WWP2: variants seen among roughly 807,000 people sequenced by gnomAD.
The protein encoded by WWP2 is WW domain containing E3 ubiquitin protein ligase 2.
In WWP2, 57 loss-of-function variants were observed where a neutral mutation model predicts 121.0. The ratio of observed to expected loss-of-function variants is 0.47; its 90% CI spans 0.38 to 0.59. WWP2 has a LOEUF of 0.59. Among genes scored for constraint, WWP2 ranks in the 20% least tolerant of loss-of-function variants. The pLI is 0.00. For synonymous variants in WWP2, 449 were observed against 441.3 expected (o/e 1.02, Z -0.22); for missense variants, 962 against 1,158.9 (o/e 0.83, Z 2.47).
In WWP2 at chr16:69,931,886, G is replaced by T. The variant is rs202095634; in HGVS notation, c.1678G>T (p.Ala560Ser). The T allele has an allele frequency of 1.9e-5, 31 of 1,612,316 alleles. 1 individual carries two copies. In the South Asian group the frequency reaches 3.2e-4, roughly 17 times the overall value. The change falls in exon 16 of 24, where the codon GCC becomes TCC. Residue 560 changes from alanine (A) to serine (S), a missense_variant. By Grantham distance (99) the Ala-to-Ser change is moderately conservative. This residue lies in a region of WWP2 where 606 missense variants were observed against 772.6 expected (regional missense o/e 0.78). Coordinates refer to ENST00000359154, the MANE Select transcript of WWP2 (RefSeq NM_001270454.2). ...GEEGLDYGGI[A>S]REWFFLLSHE... The stretch of plus-strand genomic sequence containing the variant: ...GGAGGGCCTGGACTATGGGGGCATC[G>T]CCAGGTGAGCTTGAGTGCCCCGGAA...
chr16:69,785,198 A>G (rs1265194098), intron 1 of WWP2, among the ~76,000 whole-genome samples: 1 of 145,464 alleles, frequency 6.9e-6, no homozygotes, highest in Non-Finnish European at 1.5e-5. Flanking sequence ...GTGCTACTGT[A>G]CCACTCCAGC....
intron 2 of WWP2, among the ~76,000 whole-genome samples, chr16:69,798,247 T>C (rs1368974783): frequency 6.6e-6 from 1 of 152,244 alleles, no homozygotes; most frequent in African/African-American, 2.4e-5. Context: ...GATGTATATG[T>C]TCACGGTAAT....
intron 9 of WWP2, among the ~76,000 whole-genome samples, chr16:69,917,284 T>C (rs1025792832): frequency 2.0e-5 from 3 of 152,264 alleles, no homozygotes; most frequent in African/African-American, 7.2e-5. Flanking sequence ...AACTTCCTAT[T>C]GTCTTCGGGT....
chr16:69,889,129 T>C (rs1471088054), intron 8 of WWP2, among the ~76,000 whole-genome samples: 1 of 151,416 alleles, frequency 6.6e-6, no homozygotes, highest in Non-Finnish European at 1.5e-5. Context: ...GCCTGGGCAA[T>C]ATAGTGATAT....
intron 6 of WWP2, among the ~76,000 whole-genome samples, chr16:69,850,445 T>C (rs1398052485): frequency 6.6e-6 from 1 of 150,486 alleles, no homozygotes; most frequent in Admixed American, 6.6e-5. Context: ...GTGTCTCTAG[T>C]AGGAGACAGA....
At chr16:69,859,607 G>T (rs1045782519) in intron 6 of WWP2, among the ~76,000 whole-genome samples, 5 of 152,106 alleles carry the variant, frequency 3.3e-5, no homozygotes, top group Admixed American at 2.0e-4. Flanking sequence ...GCTGAATTTA[G>T]TTATTTGCAG....
In WWP2 at chr16:69,803,376, C is replaced by A. The variant is rs192748818; in HGVS notation, c.340+4081C>A. On this transcript the variant is annotated intron_variant, in intron 4 of 23. Transcript: ENST00000359154. Reference sequence around the variant, plus strand: ...CTTTGGAACATTTACATAAAAAAAACATTATCTTACACAATTACTGTATCG... The same window carrying A: ...CTTTGGAACATTTACATAAAAAAAAAATTATCTTACACAATTACTGTATCG... Among the ~76,000 whole-genome samples, 4 of 135,398 alleles carry A rather than the reference C, an allele frequency of 3.0e-5. No individual in the cohort carries two copies. The East Asian group carries it at 7.8e-4, about 26-fold the overall frequency. 88.8% of individuals were successfully genotyped at this position (135,398 alleles called of 152,430 possible).
intron 4 of WWP2, among the ~76,000 whole-genome samples, chr16:69,829,749 TCCACTTCTC>T (rs1178118066): frequency 6.6e-6 from 1 of 152,198 alleles, no homozygotes; most frequent in Non-Finnish European, 1.5e-5. Context: ...CCTTGTTACT[TCCACTTCTC>T]CCACTGAATT....
At chr16:69,788,752 A>G (rs1304753030) in intron 2 of WWP2, among the ~76,000 whole-genome samples, 1 of 152,132 alleles carries the variant, frequency 6.6e-6, no homozygotes, top group African/African-American at 2.4e-5. Flanking sequence ...ATAGAGTGTA[A>G]GATCCACAGT....
intron 8 of WWP2, among the ~76,000 whole-genome samples, chr16:69,890,141 T>G (rs76713905): frequency 0.099 from 14,384 of 145,058 alleles, 980 homozygotes; most frequent in East Asian, 0.35. Context: ...TTTTTTTTTG[T>G]AGAGACAGGG....
intron 1 of WWP2, among the ~76,000 whole-genome samples, chr16:69,777,126 T>C (rs1054050546): frequency 1.3e-5 from 2 of 150,876 alleles, no homozygotes; most frequent in African/African-American, 4.9e-5. Context: ...ACAATACACA[T>C]ATGGATATAT....
rs546462948 is a variant in WWP2 at position 69,927,229 on chromosome 16, C to G, written c.1234+1745C>G. On this transcript the variant is annotated intron_variant, in intron 11 of 23. Transcript: ENST00000359154. The stretch of plus-strand genomic sequence containing the variant: ...TGTGTTGGCTGCCCCAGGGCTGTGG[C>G]TGGGGCCGGCTCCCCAGGGCTCACC... Among the ~76,000 whole-genome samples the G allele has an allele frequency of 9.2e-5, 14 of 152,294 alleles. No homozygotes were observed. In the East Asian group the frequency reaches 2.7e-3, roughly 29 times the overall value.
chr16:69,774,358 C>T (rs1372388018), intron 1 of WWP2, among the ~76,000 whole-genome samples: 2 of 151,896 alleles, frequency 1.3e-5, no homozygotes, highest in Non-Finnish European at 2.9e-5. Context: ...CAGGCTCAAG[C>T]GATCCTCCCA....
intron 1 of WWP2, among the ~76,000 whole-genome samples, chr16:69,785,818 G>C (rs2055775768): frequency 6.6e-6 from 1 of 151,496 alleles, no homozygotes; most frequent in South Asian, 2.1e-4. Context: ...GTATAGATGG[G>C]GTTTCATCAT....
At chr16:69,861,978 C>T (rs573081585) in intron 6 of WWP2, among the ~76,000 whole-genome samples, 3 of 152,202 alleles carry the variant, frequency 2.0e-5, no homozygotes, top group South Asian at 2.1e-4. Flanking sequence ...ACCGCTTACC[C>T]GGATTGGAAT....
At chr16:69,806,214 T>A (rs185904491) in intron 4 of WWP2, among the ~76,000 whole-genome samples, 23 of 152,302 alleles carry the variant, frequency 1.5e-4, no homozygotes, top group South Asian at 4.1e-4. Context: ...AAAAGATTTT[T>A]AAAAATCTAT....
At chr16:69,858,540 T>C (rs1360290422) in intron 6 of WWP2, among the ~76,000 whole-genome samples, 1 of 152,044 alleles carries the variant, frequency 6.6e-6, no homozygotes, top group Non-Finnish European at 1.5e-5. Context: ...GCCTTGTGCT[T>C]GCAAGGTGAA....
chr16:69,822,167 C>T (rs1379417076), intron 4 of WWP2, among the ~76,000 whole-genome samples: 3 of 152,100 alleles, frequency 2.0e-5, no homozygotes, highest in African/African-American at 7.2e-5. Flanking sequence ...ATGCCTGACC[C>T]CTGCTTTTCT....
intron 4 of WWP2, among the ~76,000 whole-genome samples, chr16:69,825,296 C>T (rs1465341556): frequency 1.3e-5 from 2 of 151,640 alleles, no homozygotes; most frequent in African/African-American, 2.4e-5. Flanking sequence ...TGGTGGCAGG[C>T]ACCTGTAGTC....
Sources: allele counts gnomAD v4.1 joint callset (sites outside exome capture counted in the v4.1 genomes callset), GRCh38; gene constraint gnomAD v4.1.1; regional missense constraint gnomAD v4.1.1; transcripts MANE v1.5; gene names NCBI Gene and HGNC (gene_info 2026-07-23, HGNC 2026-07-21).